STK24: variants seen among roughly 807,000 people sequenced by gnomAD.
STK24 encodes the protein serine/threonine kinase 24.
In STK24, 21 loss-of-function variants were observed where a neutral mutation model predicts 55.6. That is an observed-to-expected ratio of 0.38 (90% CI 0.27 to 0.54). The LOEUF (loss-of-function observed/expected upper bound fraction) is 0.54. Among genes scored for constraint, STK24 ranks in the 20% least tolerant of loss-of-function variants. The pLI is 0.79. For missense variants in STK24, 383 were observed against 538.4 expected (o/e 0.71, Z 2.86); for synonymous variants, 200 against 215.2 (o/e 0.93, Z 0.62).
At chr13:98,550,123 A>G (rs1897124549) in intron 1 of STK24, among the ~76,000 whole-genome samples, 1 of 152,228 alleles carries the variant, frequency 6.6e-6, no homozygotes, top group African/African-American at 2.4e-5. Flanking sequence ...TGATGACTCA[A>G]TTCAATACTC....
chr13:98,482,420 G>T (rs772353363), intron 2 of STK24, 99 bp from the exon 3 acceptor site: 6 of 667,398 alleles, frequency 9.0e-6, no homozygotes, highest in Non-Finnish European at 1.5e-5. Flanking sequence ...ATTGGAACTA[G>T]AAAGTTTTAC....
At chr13:98,568,310 C>T (rs1897641708) in intron 1 of STK24, among the ~76,000 whole-genome samples, 4 of 151,928 alleles carry the variant, frequency 2.6e-5, no homozygotes. Flanking sequence ...AGAGAACTAA[C>T]TTAACTCACA....
chr13:98,518,384 C>G (rs1043520375), intron 2 of STK24, among the ~76,000 whole-genome samples: 2 of 152,190 alleles, frequency 1.3e-5, no homozygotes, highest in African/African-American at 4.8e-5. Context: ...CCCAAATTAT[C>G]CAGGTTTATC....
intron 1 of STK24, among the ~76,000 whole-genome samples, chr13:98,532,053 G>A (rs190286800): frequency 6.6e-6 from 1 of 152,270 alleles, no homozygotes; most frequent in African/African-American, 2.4e-5. Context: ...CTTTGGGGAA[G>A]GGCCCCACCC....
At chr13:98,457,439 C>A in intron 9 of STK24, 135 bp from the exon 10 acceptor site, 1 of 1,136,870 alleles carries the variant, frequency 8.8e-7, no homozygotes. Context: ...AAAGCTTTGG[C>A]TAGGGCTCCA....
At chr13:98,460,463 G>A (rs1167207287) in intron 8 of STK24, 23 bp from the exon 9 acceptor site, 6 of 1,601,510 alleles carry the variant, frequency 3.7e-6, no homozygotes, top group Non-Finnish European at 5.1e-6. Context: ...GGAAAAAAAG[G>A]TCATCAGAAA....
At chr13:98,511,901 AT>A (rs10641055) in intron 2 of STK24, among the ~76,000 whole-genome samples, 3,293 of 141,164 alleles carry the variant, frequency 0.023, 51 homozygotes, top group African/African-American at 0.049. Flanking sequence ...TTTTACAGTA[AT>A]TTTTTTTTTT....
intron 6 of STK24, among the ~76,000 whole-genome samples, chr13:98,465,691 A>G (rs890748034): frequency 4.6e-5 from 7 of 152,230 alleles, no homozygotes; most frequent in African/African-American, 1.7e-4. Context: ...TTTACATAAG[A>G]GTTAAGAAAA....
At chr13:98,575,882 G>T (rs1897876950) in intron 1 of STK24, 1 of 335,110 alleles carries the variant, frequency 3.0e-6, no homozygotes, top group Non-Finnish European at 4.2e-6. Context: ...TAAAAGCAAC[G>T]ACAACGAAAA....
intron 1 of STK24, among the ~76,000 whole-genome samples, chr13:98,571,094 G>A (rs916105383): frequency 6.6e-6 from 1 of 152,154 alleles, no homozygotes; most frequent in African/African-American, 2.4e-5. Context: ...CCCAAATAAA[G>A]AGCTAAGGGG....
chr13:98,527,695 G>A (rs1167333584), intron 1 of STK24, among the ~76,000 whole-genome samples: 1 of 152,202 alleles, frequency 6.6e-6, no homozygotes, highest in African/African-American at 2.4e-5. Flanking sequence ...TGGATGCAGA[G>A]GACACGGGAC....
intron 1 of STK24, among the ~76,000 whole-genome samples, chr13:98,570,259 G>A (rs1897704619): frequency 6.6e-6 from 1 of 152,180 alleles, no homozygotes; most frequent in Admixed American, 6.5e-5. Flanking sequence ...TGCCCTCGGG[G>A]AATAAGAAAT....
At chr13:98,501,244 C>A (rs1336504783) in intron 2 of STK24, among the ~76,000 whole-genome samples, 1 of 152,228 alleles carries the variant, frequency 6.6e-6, no homozygotes, top group African/African-American at 2.4e-5. Context: ...AGCTGAGAAA[C>A]CCCAGGAGGG....
intron 2 of STK24, among the ~76,000 whole-genome samples, chr13:98,503,024 G>GTGTTTTTTTTTTTTTT (rs1555306356): frequency 9.3e-6 from 1 of 107,084 alleles, no homozygotes; most frequent in African/African-American, 4.0e-5. Flanking sequence ...CTTTCCATGT[G>GTGTTTTTTTTTTTTTT]TTTTTTTTTT....
chr13:98,475,199 C>G lies in STK24; in HGVS notation c.439+51G>C, dbSNP rs761120815. 2.0e-6 allele frequency: 3 copies of G among 1,526,848 alleles called. No homozygotes were observed. The East Asian group carries it at 6.8e-5, about 34-fold the overall frequency. The allele number at this position is 1,526,848 out of a possible 1,614,324, so 94.6% of individuals were successfully genotyped here. On this transcript the variant is annotated intron_variant, in intron 4 of 10. Coordinates refer to ENST00000539966, the MANE Select transcript of STK24 (RefSeq NM_001032296.4). ...TCCCTTGAGAAGTCTTCAGGGCAACCCCACCACCACCTTCAGTATTTCAAA... is the reference window on the plus strand; with the variant it reads ...TCCCTTGAGAAGTCTTCAGGGCAACGCCACCACCACCTTCAGTATTTCAAA...
At chr13:98,526,976 T>C (rs1163249292) in intron 1 of STK24, among the ~76,000 whole-genome samples, 4 of 152,212 alleles carry the variant, frequency 2.6e-5, no homozygotes, top group African/African-American at 4.8e-5. Context: ...CACGCCCATA[T>C]GGTCACTCTG....
At chr13:98,548,408 C>G (rs1156274787) in intron 1 of STK24, among the ~76,000 whole-genome samples, 1 of 152,152 alleles carries the variant, frequency 6.6e-6, no homozygotes, top group Non-Finnish European at 1.5e-5. Flanking sequence ...TCACAAGTGA[C>G]AGGCACACCC....
intron 2 of STK24, among the ~76,000 whole-genome samples, chr13:98,493,162 G>A (rs1336827279): frequency 2.6e-5 from 4 of 152,120 alleles, no homozygotes; most frequent in African/African-American, 9.7e-5. Flanking sequence ...AAGAACACTG[G>A]GCATTCCCTA....
At chr13:98,485,842 C>T (rs1363527091) in intron 2 of STK24, among the ~76,000 whole-genome samples, 2 of 152,240 alleles carry the variant, frequency 1.3e-5, no homozygotes, top group Admixed American at 6.5e-5. Context: ...CCGCTAGACA[C>T]AGGCAGCAGC....
Sources: gnomAD v4.1 joint callset for allele counts (sites outside exome capture counted in the v4.1 genomes callset) on GRCh38, gnomAD v4.1.1 for gene constraint, MANE v1.5 for transcripts, NCBI Gene and HGNC (gene_info 2026-07-23, HGNC 2026-07-21) for gene names.